Variants in DRC11 observed in about 807,000 individuals in gnomAD.
DRC11 encodes IQ and AAA domain-containing protein 1.
chr2:236,440,498 AT>A, the DRC11 span, among the ~76,000 whole-genome samples: 1 of 152,250 alleles, frequency 6.6e-6, no homozygotes, highest in Non-Finnish European at 1.5e-5. Context: ...CATTAAAAAA[AT>A]AGTTTTAAAT....
the DRC11 span, among the ~76,000 whole-genome samples, chr2:236,478,664 A>G: frequency 6.6e-6 from 1 of 152,104 alleles, no homozygotes; most frequent in Non-Finnish European, 1.5e-5. The surrounding 1 kb of genome is among the most constrained non-coding windows in gnomAD (Gnocchi z 5.9). Context: ...GTATTGCAGT[A>G]TATCTCTCCC....
At chr2:236,485,153 C>T in the DRC11 span, among the ~76,000 whole-genome samples, 2,346 of 152,246 alleles carry the variant, frequency 0.015, 74 homozygotes, top group African/African-American at 0.053. Context: ...TTTATGACCA[C>T]AGTTGTTCAT....
At chr2:236,429,373 T>A in the DRC11 span, among the ~76,000 whole-genome samples, 1 of 152,136 alleles carries the variant, frequency 6.6e-6, no homozygotes, top group Non-Finnish European at 1.5e-5. This position sits in a 1 kb window ranked among gnomAD's most constrained non-coding sequence, Gnocchi z 5.9. Flanking sequence ...TGCATGGGCA[T>A]CTTTAGGCTG....
At chr2:236,459,547 G>GTA in the DRC11 span, among the ~76,000 whole-genome samples, 585 of 117,442 alleles carry the variant, frequency 5.0e-3, 5 homozygotes, top group African/African-American at 0.016. Flanking sequence ...ATACGTATAC[G>GTA]TATACATGTA....
At chr2:236,506,254 C>T in the DRC11 span, among the ~76,000 whole-genome samples, 1 of 152,220 alleles carries the variant, frequency 6.6e-6, no homozygotes, top group Non-Finnish European at 1.5e-5. The surrounding 1 kb of genome is among the most constrained non-coding windows in gnomAD (Gnocchi z 4.9). Context: ...TCAGTCCTTA[C>T]ACCTCTTTAT....
At chr2:236,421,142 T>G in the DRC11 span, among the ~76,000 whole-genome samples, 1 of 152,066 alleles carries the variant, frequency 6.6e-6, no homozygotes, top group Non-Finnish European at 1.5e-5. Flanking sequence ...ACATCACAAT[T>G]AAAAGAACTA....
At chr2:236,444,999 C>T in the DRC11 span, among the ~76,000 whole-genome samples, 2 of 152,214 alleles carry the variant, frequency 1.3e-5, no homozygotes, top group Non-Finnish European at 1.5e-5. Context: ...GCCACAGACC[C>T]GTGCATCGCC....
chr2:236,308,287 C>T, the DRC11 span, among the ~76,000 whole-genome samples: 11 of 152,362 alleles, frequency 7.2e-5, no homozygotes, highest in East Asian at 1.7e-3. The surrounding 1 kb of genome is among the most constrained non-coding windows in gnomAD (Gnocchi z 6.0). Flanking sequence ...GATTGACAGG[C>T]ATCCTCTGCT....
At chr2:236,376,344 C>T in the DRC11 span, among the ~76,000 whole-genome samples, 2 of 152,184 alleles carry the variant, frequency 1.3e-5, no homozygotes, top group Non-Finnish European at 2.9e-5. The surrounding 1 kb of genome is among the most constrained non-coding windows in gnomAD (Gnocchi z 5.7). Flanking sequence ...CTTGCACCAT[C>T]CTTGGCTGGA....
At chr2:236,318,975 C>T in the DRC11 span, among the ~76,000 whole-genome samples, 1 of 152,132 alleles carries the variant, frequency 6.6e-6, no homozygotes, top group South Asian at 2.1e-4. This position sits in a 1 kb window ranked among gnomAD's most constrained non-coding sequence, Gnocchi z 7.0. Flanking sequence ...GGTGGACAGA[C>T]GTGCAGGGCA....
At chr2:236,315,251 C>A in the DRC11 span, among the ~76,000 whole-genome samples, 1 of 152,292 alleles carries the variant, frequency 6.6e-6, no homozygotes, top group Non-Finnish European at 1.5e-5. The surrounding 1 kb of genome is among the most constrained non-coding windows in gnomAD (Gnocchi z 5.1). Context: ...GGTGCTGGAG[C>A]TTTGGGTCAA....
the DRC11 span, among the ~76,000 whole-genome samples, chr2:236,313,805 A>G: frequency 1.3e-5 from 2 of 152,152 alleles, no homozygotes; most frequent in Non-Finnish European, 2.9e-5. The surrounding 1 kb of genome is among the most constrained non-coding windows in gnomAD (Gnocchi z 4.5). Context: ...AAAAAAGCCA[A>G]TCCTAAGGGG....
At chr2:236,411,902 G>A in the DRC11 span, among the ~76,000 whole-genome samples, 16 of 118,324 alleles carry the variant, frequency 1.4e-4, no homozygotes, top group South Asian at 4.1e-3. Flanking sequence ...GTTGTGGGGT[G>A]GGGGGAGGGG....
chr2:236,308,091 A>AGGC, the DRC11 span, among the ~76,000 whole-genome samples: 1 of 152,124 alleles, frequency 6.6e-6, no homozygotes, highest in African/African-American at 2.4e-5. This position sits in a 1 kb window ranked among gnomAD's most constrained non-coding sequence, Gnocchi z 6.0. Flanking sequence ...GCAATGATAC[A>AGGC]GACATCGTGC....
chr2:236,473,075 GAAT>G, the DRC11 span, among the ~76,000 whole-genome samples: 3 of 152,114 alleles, frequency 2.0e-5, no homozygotes, highest in South Asian at 2.1e-4. This position sits in a 1 kb window ranked among gnomAD's most constrained non-coding sequence, Gnocchi z 4.8. Flanking sequence ...TATTTTTTGA[GAAT>G]AATATTTTTT....
chr2:236,357,859 T>C, the DRC11 span, among the ~76,000 whole-genome samples: 2 of 125,056 alleles, frequency 1.6e-5, no homozygotes, highest in Non-Finnish European at 3.1e-5. Flanking sequence ...TATAAATATA[T>C]ACTATATAAA....
the DRC11 span, among the ~76,000 whole-genome samples, chr2:236,388,008 G>A: frequency 6.6e-6 from 1 of 152,176 alleles, no homozygotes; most frequent in Non-Finnish European, 1.5e-5. Flanking sequence ...CTTCTCGCTT[G>A]TAGGGTTTCT....
At chr2:236,358,377 A>G in the DRC11 span, among the ~76,000 whole-genome samples, 7 of 95,496 alleles carry the variant, frequency 7.3e-5, no homozygotes, top group East Asian at 4.3e-4. Context: ...ATATAGATAT[A>G]TATTTATGAT....
the DRC11 span, among the ~76,000 whole-genome samples, chr2:236,353,267 A>T: frequency 1.3e-5 from 2 of 152,142 alleles, no homozygotes; most frequent in African/African-American, 4.8e-5. The surrounding 1 kb of genome is among the most constrained non-coding windows in gnomAD (Gnocchi z 5.0). Context: ...ATCAAATATC[A>T]CTAGAGGGTT....
Sources: allele counts gnomAD v4.1 joint callset (sites outside exome capture counted in the v4.1 genomes callset), GRCh38; gene constraint gnomAD v4.1.1; non-coding constraint Gnocchi (gnomAD v3.1); transcripts MANE v1.5; gene names NCBI Gene and HGNC (gene_info 2026-07-23, HGNC 2026-07-21).